Variants in ANKRD33B observed in about 807,000 individuals in gnomAD.
The protein encoded by ANKRD33B is ankyrin repeat domain 33B.
In ANKRD33B, 6 loss-of-function variants were observed where a neutral mutation model predicts 21.5. The ratio of observed to expected loss-of-function variants is 0.28; its 90% confidence interval spans 0.15 to 0.55. The LOEUF (loss-of-function observed/expected upper bound fraction) is 0.55. Among genes scored for constraint, ANKRD33B ranks in the 20% least tolerant of loss-of-function variants. The pLI is 0.94. For missense variants in ANKRD33B, 698 were observed against 747.2 expected (o/e 0.93, Z 0.77); for synonymous variants, 347 against 342.4 (o/e 1.01, Z -0.15).
intron 2 of ANKRD33B, among the ~76,000 whole-genome samples, chr5:10,632,933 ACC>A (rs1553994387): frequency 1.3e-5 from 2 of 149,214 alleles, no homozygotes; most frequent in East Asian, 2.0e-4. Context: ...GATTACAGGC[ACC>A]CGCCACCACT....
At chr5:10,649,200 C>T in intron 3 of ANKRD33B, 66 bp from the exon 4 acceptor site, 1 of 1,463,216 alleles carries the variant, frequency 6.8e-7, no homozygotes, top group South Asian at 1.4e-5. Flanking sequence ...TTGCCCCAGG[C>T]TCTGCCTGGG....
chr5:10,625,068 T>A (rs1326497600), intron 2 of ANKRD33B: 1 of 290,626 alleles, frequency 3.4e-6, no homozygotes, highest in African/African-American at 2.2e-5. Context: ...AGAGATGTTG[T>A]CAGACAGACA....
At chr5:10,638,768 G>A (rs11742995) in intron 3 of ANKRD33B, among the ~76,000 whole-genome samples, 63,393 of 151,648 alleles carry the variant, frequency 0.42, 13,487 homozygotes, top group Middle Eastern at 0.56. Flanking sequence ...GTTAGGAGGC[G>A]ACATGTTGCA....
rs143136434 is a variant in ANKRD33B, at chr5:10,570,334, A to G, written c.366+5501A>G. The stretch of plus-strand genomic sequence containing the variant: ...AGGCTGGATTTGCTCATTCGTCTTC[A>G]TTCAGCTGGTGGTCAGCTGCGAATG... On this transcript the variant is annotated intron_variant, in intron 1 of 3. Transcript: ENST00000296657. Among the ~76,000 whole-genome samples the G allele has an allele frequency of 1.3e-3, 199 of 152,316 alleles. 1 individual carries two copies. The highest frequency in any genetic ancestry group is 4.5e-3 in the African/African-American group (186 of 41,576).
intron 1 of ANKRD33B, among the ~76,000 whole-genome samples, chr5:10,585,466 A>G (rs1234794052): frequency 2.6e-5 from 4 of 152,184 alleles, no homozygotes; most frequent in Non-Finnish European, 5.9e-5. Context: ...TTTCCATTTG[A>G]CAAAGGGAGT....
intron 2 of ANKRD33B, among the ~76,000 whole-genome samples, chr5:10,636,926 C>T (rs915971685): frequency 4.3e-4 from 66 of 152,188 alleles, no homozygotes; most frequent in African/African-American, 1.4e-3. Flanking sequence ...ACAACCTATG[C>T]GGGAGTGGGG....
chr5:10,625,223 C>T (rs777749946), intron 2 of ANKRD33B: 1 of 157,028 alleles, frequency 6.4e-6, no homozygotes, highest in Non-Finnish European at 1.4e-5. Context: ...AGTTTTATTT[C>T]TTTGATGATT....
chr5:10,580,663 GA>G (rs1447171084), intron 1 of ANKRD33B, among the ~76,000 whole-genome samples: 1 of 151,952 alleles, frequency 6.6e-6, no homozygotes, highest in Non-Finnish European at 1.5e-5. Flanking sequence ...GCTCTGTGGA[GA>G]GTAGGCCAGT....
chr5:10,586,513 GTGTGTGTGTGTGTGTGTGTGTA>G (rs1309905278), intron 1 of ANKRD33B, among the ~76,000 whole-genome samples: 104 of 144,426 alleles, frequency 7.2e-4, no homozygotes, highest in African/African-American at 2.4e-3. Context: ...GTGTGTGTGT[GTGTGTGTGTGTGTGTGTGTGTA>G]TACTGCTTTC....
At chr5:10,637,999 C>A (rs1044751768) in intron 2 of ANKRD33B, 29 bp from the exon 3 acceptor site, 1 of 1,531,884 alleles carries the variant, frequency 6.5e-7, no homozygotes, top group African/African-American at 1.4e-5. Flanking sequence ...GAAGTGGGAA[C>A]CAATACACGT....
chr5:10,594,916 G>T (rs1463671774), intron 1 of ANKRD33B, among the ~76,000 whole-genome samples: 1 of 152,172 alleles, frequency 6.6e-6, no homozygotes, highest in Non-Finnish European at 1.5e-5. Flanking sequence ...TGGGTGAACT[G>T]CAAATAGAGT....
At position 10,592,626 on chromosome 5, in the gene ANKRD33B, AAAAAAAAAAAAG is replaced by A. The variant is rs1343920053; in HGVS notation, c.367-25704_367-25693del. On this transcript the variant is annotated intron_variant, in intron 1 of 3. Transcript: ENST00000296657. ...TGGGCAACAGAGTGAGACTCTGTCA[AAAAAAAAAAAAG>A]AAGAAGAAAAAGAAAAGAAAATAGA... Among the ~76,000 whole-genome samples, 18 of 147,928 alleles carry A rather than the reference AAAAAAAAAAAAG, an allele frequency of 1.2e-4. No individual in the cohort carries two copies. The East Asian group carries it at 3.1e-3, about 26-fold the overall frequency.
chr5:10,593,340 A>G (rs1034313401), intron 1 of ANKRD33B, among the ~76,000 whole-genome samples: 2 of 152,144 alleles, frequency 1.3e-5, no homozygotes, highest in Non-Finnish European at 2.9e-5. Flanking sequence ...TTAAGAAAAA[A>G]CAAAATAAAG....
chr5:10,644,314 A>G (rs946127268), intron 3 of ANKRD33B, among the ~76,000 whole-genome samples: 1 of 152,212 alleles, frequency 6.6e-6, no homozygotes, highest in Non-Finnish European at 1.5e-5. Flanking sequence ...GGAGTTGCAG[A>G]ACCTTGTTAA....
chr5:10,624,817 G>A (rs1462403072), intron 2 of ANKRD33B: 1 of 456,770 alleles, frequency 2.2e-6, no homozygotes, highest in South Asian at 1.5e-5. Flanking sequence ...TGGCTCATGT[G>A]AGCATTAACA....
At chr5:10,596,439 A>G (rs535646235) in intron 1 of ANKRD33B, among the ~76,000 whole-genome samples, 5 of 152,284 alleles carry the variant, frequency 3.3e-5, no homozygotes, top group African/African-American at 9.6e-5. Context: ...CTGTTTCTGC[A>G]TTAGTTTGCC....
intron 3 of ANKRD33B, among the ~76,000 whole-genome samples, chr5:10,648,245 C>T (rs549417367): frequency 2.0e-5 from 3 of 152,308 alleles, no homozygotes; most frequent in South Asian, 2.1e-4. Context: ...CCAGCTAGGC[C>T]GCAGTGGGAG....
At chr5:10,605,316 A>G (rs1736021725) in intron 1 of ANKRD33B, among the ~76,000 whole-genome samples, 1 of 152,206 alleles carries the variant, frequency 6.6e-6, no homozygotes. Context: ...CAAGGATGTG[A>G]ATACCAGGAG....
At chr5:10,640,032 G>A (rs1245509290) in intron 3 of ANKRD33B, among the ~76,000 whole-genome samples, 4 of 86,648 alleles carry the variant, frequency 4.6e-5, no homozygotes, top group East Asian at 6.6e-4. Flanking sequence ...CGATGTTAGC[G>A]GGTGACGTGG....
Sources: gnomAD v4.1 joint callset for allele counts (sites outside exome capture counted in the v4.1 genomes callset) on GRCh38, gnomAD v4.1.1 for gene constraint, MANE v1.5 for transcripts, NCBI Gene and HGNC (gene_info 2026-07-23, HGNC 2026-07-21) for gene names.